The following CAST variants were observed in gnomAD, a reference collection of about 807,000 sequenced individuals.
CAST encodes the protein calpastatin.
Under a neutral mutation model 119.6 loss-of-function variants are expected in CAST, and 76 were observed. The ratio of observed to expected loss-of-function variants is 0.64; its 90% CI spans 0.53 to 0.77. CAST has a LOEUF of 0.77. Among genes scored for constraint, CAST ranks in the 30% least tolerant of loss-of-function variants. The probability of loss-of-function intolerance (pLI) is 0.00; values close to 1 mark genes in which losing one functional copy is unlikely to be tolerated. For missense variants in CAST, 953 were observed against 946.5 expected (o/e 1.01, Z -0.09); for synonymous variants, 319 against 331.6 (o/e 0.96, Z 0.41).
chr5:96,543,651 A>G (rs925327668), intron 1 of CAST, among the ~76,000 whole-genome samples: 2 of 152,194 alleles, frequency 1.3e-5, no homozygotes, highest in African/African-American at 2.4e-5. Context: ...TGGTGTATGT[A>G]AAAATTTATT....
At chr5:96,293,652 C>G in the CAST span, among the ~76,000 whole-genome samples, 1 of 152,130 alleles carries the variant, frequency 6.6e-6, no homozygotes, top group African/African-American at 2.4e-5. Context: ...ACTCTAGAAG[C>G]ACTCAATTTG....
intron 1 of CAST, among the ~76,000 whole-genome samples, chr5:96,589,350 G>A (rs1303193644): frequency 3.9e-5 from 6 of 152,054 alleles, no homozygotes; most frequent in Admixed American, 6.5e-5. Flanking sequence ...ATGAATAGAC[G>A]TATATTTCAT....
chr5:96,637,302 G>T (rs1018529631), intron 1 of CAST, among the ~76,000 whole-genome samples: 2 of 152,176 alleles, frequency 1.3e-5, no homozygotes, highest in African/African-American at 4.8e-5. Context: ...AGCACAGGGA[G>T]GCCAGGTAGC....
chr5:96,041,490 G>A, the CAST span, among the ~76,000 whole-genome samples: 1 of 152,070 alleles, frequency 6.6e-6, no homozygotes, highest in African/African-American at 2.4e-5. Context: ...TGATAGTCTA[G>A]ATAAGATACA....
chr5:96,094,704 C>A, the CAST span, among the ~76,000 whole-genome samples: 2 of 152,174 alleles, frequency 1.3e-5, no homozygotes, highest in African/African-American at 4.8e-5. Flanking sequence ...GACTTTAAAT[C>A]ATGACTTTTC....
At chr5:96,680,936 A>G (rs1400391302) in intron 2 of CAST, among the ~76,000 whole-genome samples, 2 of 152,256 alleles carry the variant, frequency 1.3e-5, no homozygotes, top group Non-Finnish European at 2.9e-5. Context: ...AAGAAAAGCT[A>G]AGCCGAAAAG....
At chr5:96,644,464 C>A (rs563017588) in intron 1 of CAST, among the ~76,000 whole-genome samples, 1 of 152,230 alleles carries the variant, frequency 6.6e-6, no homozygotes, top group Admixed American at 6.5e-5. Context: ...AATATTTTGG[C>A]GGTGTCCATT....
intron 1 of CAST, among the ~76,000 whole-genome samples, chr5:96,669,893 T>C (rs922050055): frequency 6.6e-6 from 1 of 152,264 alleles, no homozygotes; most frequent in Non-Finnish European, 1.5e-5. Flanking sequence ...TGGGGAACTT[T>C]AGAAAAATTT....
the CAST span, among the ~76,000 whole-genome samples, chr5:96,000,446 C>A: frequency 6.6e-6 from 1 of 152,086 alleles, no homozygotes; most frequent in Admixed American, 6.6e-5. Context: ...CTAAACTTAT[C>A]TTTTTGCATG....
At chr5:96,238,105 A>G in the CAST span, among the ~76,000 whole-genome samples, 1 of 152,150 alleles carries the variant, frequency 6.6e-6, no homozygotes, top group Non-Finnish European at 1.5e-5. Flanking sequence ...AAACAAGAAA[A>G]TAAAGAACAC....
chr5:96,087,408 CT>C, the CAST span, among the ~76,000 whole-genome samples: 1 of 152,022 alleles, frequency 6.6e-6, no homozygotes, highest in Non-Finnish European at 1.5e-5. Context: ...AGATTCTAAT[CT>C]TTTTCAACTT....
the CAST span, among the ~76,000 whole-genome samples, chr5:96,482,415 A>G: frequency 6.6e-6 from 1 of 151,530 alleles, no homozygotes; most frequent in Non-Finnish European, 1.5e-5. Context: ...AGCTTATAAT[A>G]AGGATACAAT....
intron 1 of CAST, among the ~76,000 whole-genome samples, chr5:96,606,869 G>A (rs549672358): frequency 1.2e-4 from 19 of 152,302 alleles, no homozygotes; most frequent in Admixed American, 1.2e-3. Context: ...TGTATTAGAA[G>A]TGTGTTAGAA....
the CAST span, among the ~76,000 whole-genome samples, chr5:96,111,644 G>A: frequency 6.6e-6 from 1 of 152,144 alleles, no homozygotes; most frequent in African/African-American, 2.4e-5. Flanking sequence ...AGTTGCTAGT[G>A]TTTTAGAAGC....
At chr5:96,682,474 A>G (rs145483828) in intron 2 of CAST, among the ~76,000 whole-genome samples, 1,640 of 152,208 alleles carry the variant, frequency 0.011, 34 homozygotes, top group African/African-American at 0.038. Flanking sequence ...AGGTAATACC[A>G]TCTTGTTTCC....
At chr5:96,411,118 A>G in the CAST span, 2 of 762,618 alleles carry the variant, frequency 2.6e-6, no homozygotes, top group Non-Finnish European at 4.7e-6. Context: ...TTTCAATTCC[A>G]GATCTTTTGG....
chr5:96,751,260 T>C (rs1462554202), intron 20 of CAST, among the ~76,000 whole-genome samples: 2 of 152,214 alleles, frequency 1.3e-5, no homozygotes, highest in Non-Finnish European at 2.9e-5. Context: ...GAATAACATC[T>C]GATGGAATTA....
the CAST span, among the ~76,000 whole-genome samples, chr5:96,121,324 A>G: frequency 2.2e-3 from 339 of 152,272 alleles, 1 homozygote; most frequent in Non-Finnish European, 3.5e-3. Context: ...TAGGCACATA[A>G]TAAATTTTGT....
the CAST span, among the ~76,000 whole-genome samples, chr5:96,297,326 G>C: frequency 2.0e-5 from 3 of 152,124 alleles, no homozygotes; most frequent in East Asian, 5.8e-4. Flanking sequence ...AAAAACTTGG[G>C]GGTAGAGAAG....
Sources: gnomAD v4.1 joint callset for allele counts (sites outside exome capture counted in the v4.1 genomes callset) on GRCh38, gnomAD v4.1.1 for gene constraint, MANE v1.5 for transcripts, NCBI Gene and HGNC (gene_info 2026-07-23, HGNC 2026-07-21) for gene names.